Variants in CDCA7L observed in about 807,000 individuals in gnomAD.
The protein encoded by CDCA7L is cell division cycle associated 7 like.
CDCA7L carries 44 observed loss-of-function variants against 57.4 expected under a neutral mutation model. The observed-to-expected ratio is 0.77, with a 90% CI of 0.60 to 0.98. The LOEUF (loss-of-function observed/expected upper bound fraction) is 0.98. CDCA7L is among the 50% of genes least tolerant of loss of function. CDCA7L has a pLI of 0.00. For synonymous variants in CDCA7L, 236 were observed against 202.8 expected, an observed-to-expected ratio of 1.16 and a Z score of -1.39; for missense variants, 644 against 580.6, an observed-to-expected ratio of 1.11 and a Z score of -1.12.
chr7:21,945,040 G>C (rs1206529211), intron 1 of CDCA7L, among the ~76,000 whole-genome samples: 1 of 152,144 alleles, frequency 6.6e-6, no homozygotes, highest in South Asian at 2.1e-4. Context: ...ATAACGTAGA[G>C]AAAAGCTCTT....
At chr7:21,913,431 A>C (rs981898527) in intron 2 of CDCA7L, among the ~76,000 whole-genome samples, 1 of 152,186 alleles carries the variant, frequency 6.6e-6, no homozygotes, top group Admixed American at 6.5e-5. Flanking sequence ...TACTGTGTGC[A>C]AGTTCATGCA....
Position 21,904,119 on chromosome 7 carries a change from C to A in CDCA7L, c.1188G>T (p.Leu396Phe). ...NRYGEDVRSALLDPDWVCPPC... is the reference protein window; with the variant it reads ...NRYGEDVRSAFLDPDWVCPPC... ...CAAACACTGTTCCTACCGGGTCCAG[C>A]AATGCCGATCTGACATCCTCCCCAT... is the stretch of plus-strand genomic sequence containing the variant. The change falls in exon 8 of 10, where the codon TTG becomes TTT. Residue 396 changes from leucine to phenylalanine, a missense_variant. Transcript: ENST00000406877. 1 of 1,600,816 alleles carries A rather than the reference C, an allele frequency of 6.2e-7. No homozygotes were observed. The highest frequency in any genetic ancestry group is 1.7e-5 in the Admixed American group (1 of 57,338).
chr7:21,901,215 A>G lies in CDCA7L; in HGVS notation c.*1107T>C. 1 of 1,613,782 alleles carries G rather than the reference A, an allele frequency of 6.2e-7. No individual in the cohort carries two copies. The highest frequency in any genetic ancestry group is 8.5e-7 in the Non-Finnish European group (1 of 1,179,740). On this transcript the variant is annotated 3_prime_UTR_variant, in exon 10 of 10. Coordinates refer to ENST00000406877, the MANE Select transcript of CDCA7L (RefSeq NM_018719.5). ...TGAAGAGCGAAGAGAAGACTGCAAA[A>G]TGGGTTCTGGCTGGAGTGGCTCTGC...
Position 21,916,829 on chromosome 7 carries a change from T to TCG in CDCA7L, c.88_89dup (p.Asp31GlufsTer21). 5 of 1,614,038 alleles carry TCG rather than the reference T, an allele frequency of 3.1e-6. No homozygotes were observed. Among genetic ancestry groups the TCG allele is most frequent in the Non-Finnish European group, 4.2e-6 (5 of 1,179,976 alleles). ...AGAGGGTTTCCATGGGAACATCATC[T>TCG]CGGAAGCCAACAAACTCTTCATCAT... On this transcript the variant is annotated frameshift_variant, in exon 2 of 10. Coordinates refer to ENST00000406877, the MANE Select transcript of CDCA7L (RefSeq NM_018719.5). LOFTEE classifies it high-confidence loss of function.
At chr7:21,902,925 T>C in intron 9 of CDCA7L, 53 bp downstream of exon 9, 1 of 1,581,910 alleles carries the variant, frequency 6.3e-7, no homozygotes. Context: ...GGGTCTCCTG[T>C]GCTCAGCCTC....
intron 9 of CDCA7L, 151 bp from the exon 10 acceptor site, chr7:21,902,503 G>T (rs569556134): frequency 6.8e-6 from 5 of 736,186 alleles, no homozygotes; most frequent in South Asian, 6.4e-5. Context: ...ATCAATATCC[G>T]TATACCCTCT....
At chr7:21,916,926 C>A (rs550405704) in intron 1 of CDCA7L, 32 bp from the exon 2 acceptor site, 2 of 1,612,926 alleles carry the variant, frequency 1.2e-6, no homozygotes, top group African/African-American at 2.7e-5. Flanking sequence ...CAGGATTAAA[C>A]CAGGGGTTCT....
In CDCA7L at chr7:21,905,643, A is replaced by G; in HGVS notation, c.922-12T>C. ...TCCCGGCATTTCCCCTGCACAATGA[A>G]CACAAGCAGAACATGGAGATGTGTT... On this transcript the variant is annotated splice_polypyrimidine_tract_variant and intron_variant, in intron 6 of 9. Transcript: ENST00000406877. The G allele has an allele frequency of 1.2e-6, 2 of 1,612,726 alleles. No homozygotes were observed. Among genetic ancestry groups the G allele is most frequent in the Non-Finnish European group, 1.7e-6 (2 of 1,179,654 alleles).
At chr7:21,904,085 C>A (rs774318514) in intron 8 of CDCA7L, 25 bp downstream of exon 8, 1 of 1,551,162 alleles carries the variant, frequency 6.4e-7, no homozygotes, top group Admixed American at 1.9e-5. Flanking sequence ...ATACAATTTA[C>A]AACAAATGCA....
At chr7:21,904,501 G>C (rs6976590) in intron 7 of CDCA7L, among the ~76,000 whole-genome samples, 3,321 of 152,300 alleles carry the variant, frequency 0.022, 40 homozygotes, top group Middle Eastern at 0.034. Flanking sequence ...CAGCGGACGG[G>C]CGAGCATTAC....
At chr7:21,939,250 G>GA (rs1293437612) in intron 1 of CDCA7L, among the ~76,000 whole-genome samples, 2 of 152,098 alleles carry the variant, frequency 1.3e-5, no homozygotes, top group Non-Finnish European at 2.9e-5. Context: ...TTAAAATGAT[G>GA]AAAAAGCTCA....
chr7:21,932,516 A>G (rs1161392749), intron 1 of CDCA7L, among the ~76,000 whole-genome samples: 1 of 152,230 alleles, frequency 6.6e-6, no homozygotes, highest in Non-Finnish European at 1.5e-5. Flanking sequence ...CAGCCATCTG[A>G]TCTTTGACAA....
At chr7:21,914,221 C>T (rs1450561906) in intron 2 of CDCA7L, among the ~76,000 whole-genome samples, 2 of 152,172 alleles carry the variant, frequency 1.3e-5, no homozygotes, top group Non-Finnish European at 2.9e-5. Flanking sequence ...GCAAACAACA[C>T]CCCCCGTGCT....
In CDCA7L at chr7:21,945,819, C is replaced by G. The variant is rs1331641324; in HGVS notation, c.-15G>C. ...GCCAACTCCATTCTTCCTAACCGGG[C>G]TCCAGTCTCCTCCCAGCACGCGGCC... is the stretch of plus-strand genomic sequence containing the variant. On this transcript the variant is annotated 5_prime_UTR_variant, in exon 1 of 10. Transcript: ENST00000406877. 1 of 1,597,728 alleles carries G rather than the reference C, an allele frequency of 6.3e-7. No homozygotes were observed. The highest frequency in any genetic ancestry group is 2.3e-5 in the East Asian group (1 of 42,916).
intron 7 of CDCA7L, 135 bp from the exon 8 acceptor site, chr7:21,904,394 A>G: frequency 1.1e-6 from 1 of 924,840 alleles, no homozygotes. Context: ...CTGTTTTCCT[A>G]AGAACCACAG....
At chr7:21,932,830 C>T (rs1471267980) in intron 1 of CDCA7L, among the ~76,000 whole-genome samples, 2 of 151,964 alleles carry the variant, frequency 1.3e-5, no homozygotes, top group African/African-American at 2.4e-5. Flanking sequence ...AGAGCTTCTG[C>T]ACAGCAAAAG....
chr7:21,906,298 C>G lies in CDCA7L; in HGVS notation c.912G>C (p.Lys304Asn), dbSNP rs750600045. 6.3e-7 allele frequency: 1 copy of G among 1,594,424 alleles called. No homozygotes were observed. Among genetic ancestry groups the G allele is most frequent in the Non-Finnish European group, 8.5e-7 (1 of 1,171,650 alleles). ...AEEFYSFRRR[K>N]TIGGKCREYR... ...ATTAGTCAGAAAATACCCCAATTGT[C>G]TTCCTTCTTCGGAAGCTGTAAAACT... is the stretch of plus-strand genomic sequence containing the variant. The change falls in exon 6 of 10, where the codon AAG becomes AAC. Residue 304 changes from lysine to asparagine, a missense_variant. Transcript: ENST00000406877.
intron 4 of CDCA7L, among the ~76,000 whole-genome samples, chr7:21,907,403 T>C: frequency 6.6e-6 from 1 of 152,146 alleles, no homozygotes; most frequent in Admixed American, 6.5e-5. Context: ...TGCATCATTC[T>C]TTTTTTAAAA....
Position 21,916,649 on chromosome 7 carries a change from A to C in CDCA7L, c.165+105T>G, listed in dbSNP as rs1785490864. On this transcript the variant is annotated intron_variant, in intron 2 of 9. Transcript: ENST00000406877. Reference sequence around the variant, plus strand: ...TGTTTCTAAAATAAAATGCTAGACAATGAACTGATATCACCAATCTCACAC... The same window carrying C: ...TGTTTCTAAAATAAAATGCTAGACACTGAACTGATATCACCAATCTCACAC... 9 of 1,046,080 alleles carry C rather than the reference A, an allele frequency of 8.6e-6. No homozygotes were observed. The East Asian group carries it at 1.9e-4, about 22-fold the overall frequency. 64.8% of individuals were successfully genotyped at this position (1,046,080 alleles called of 1,614,324 possible).
Sources: gnomAD v4.1 joint callset for allele counts (sites outside exome capture counted in the v4.1 genomes callset) on GRCh38, gnomAD v4.1.1 for gene constraint, MANE v1.5 for transcripts, NCBI Gene and HGNC (gene_info 2026-07-23, HGNC 2026-07-21) for gene names.